ADAM19: variants seen among roughly 807,000 people sequenced by gnomAD.
ADAM19 encodes disintegrin and metalloproteinase domain-containing protein 19.
In ADAM19, 65 loss-of-function variants were observed where a neutral mutation model predicts 114.7. The observed-to-expected ratio is 0.57, with a 90% CI of 0.46 to 0.70. The LOEUF is 0.70. Among genes scored for constraint, ADAM19 ranks in the 30% least tolerant of loss-of-function variants. The pLI, the probability that ADAM19 is intolerant of heterozygous loss-of-function variation, is 0.00. For synonymous variants in ADAM19, 466 were observed against 460.5 expected (o/e 1.01, Z -0.15); for missense variants, 1,063 against 1,204.7 (o/e 0.88, Z 1.74).
chr5:157,500,141 A>G (rs757136028), intron 12 of ADAM19, among the ~76,000 whole-genome samples: 10 of 152,140 alleles, frequency 6.6e-5, no homozygotes, highest in Non-Finnish European at 1.5e-4. Flanking sequence ...TGTACTTGTC[A>G]CAAGAACCAT....
intron 3 of ADAM19, among the ~76,000 whole-genome samples, chr5:157,556,514 CG>C (rs1757373157): frequency 6.6e-6 from 1 of 152,114 alleles, no homozygotes; most frequent in Admixed American, 6.5e-5. Flanking sequence ...CCACCATGCC[CG>C]GCCTCAAGAT....
rs560628744 is a variant in ADAM19, at chr5:157,503,087, G to T, written c.1131-107C>A. The T allele has an allele frequency of 6.7e-5, 64 of 950,152 alleles. No homozygotes were observed. The African/African-American group carries it at 9.1e-4, about 13-fold the overall frequency. The allele number at this position is 950,152 out of a possible 1,614,324, so 58.9% of individuals were successfully genotyped here. ...CTACCCGTGGGGCTGACTCCACCTG[G>T]GTTCAGACCCCCATTGTCTCACACA... On this transcript the variant is annotated intron_variant, in intron 11 of 22. Coordinates refer to ENST00000257527, the MANE Select transcript of ADAM19 (RefSeq NM_033274.5).
At chr5:157,530,931 T>C (rs1581333057) in intron 4 of ADAM19, 48 bp from the exon 5 acceptor site, 1 of 1,501,566 alleles carries the variant, frequency 6.7e-7, no homozygotes, top group African/African-American at 1.4e-5. Flanking sequence ...CTGATAAGCA[T>C]GGCAATGTTA....
chr5:157,525,146 T>C (rs1348837866), intron 5 of ADAM19, among the ~76,000 whole-genome samples: 1 of 152,216 alleles, frequency 6.6e-6, no homozygotes, highest in Non-Finnish European at 1.5e-5. Flanking sequence ...AACCAGGAAG[T>C]GTCTGGCTCC....
In ADAM19 at chr5:157,478,795, C is replaced by A. The variant is rs1754667580; in HGVS notation, c.*2154G>T. ...AACAAAACAAAAAGCAAGAAAACGA[C>A]AACCCAGGTCTCTTTCTGGTGTGGT... On this transcript the variant is annotated 3_prime_UTR_variant, in exon 23 of 23. Coordinates refer to ENST00000257527, the MANE Select transcript of ADAM19 (RefSeq NM_033274.5). 1 of 985,756 alleles carries A rather than the reference C, an allele frequency of 1.0e-6. No individual in the cohort carries two copies. 61.1% of individuals were successfully genotyped at this position (985,756 alleles called of 1,614,324 possible).
intron 3 of ADAM19, among the ~76,000 whole-genome samples, chr5:157,559,177 G>A (rs995548176): frequency 9.2e-5 from 14 of 152,166 alleles, no homozygotes; most frequent in African/African-American, 2.9e-4. Flanking sequence ...GAAAACAAAC[G>A]CCCGTTCTTA....
rs111680236 is a variant in ADAM19 at position 157,565,710 on chromosome 5, C to CA, written c.181-1268dup. 5.3e-3 allele frequency among the ~76,000 whole-genome samples: 551 copies of CA among 103,662 alleles called. 3 individuals carry two copies. Among genetic ancestry groups the CA allele is most frequent in the African/African-American group, 0.015 (409 of 26,836 alleles). The allele number at this position is 103,662 out of a possible 152,430, so 68.0% of individuals were successfully genotyped here. A position where few individuals can be genotyped will look rare whatever the true frequency, so the allele number is the denominator to read the frequency against. Reference sequence around the variant, plus strand: ...GGTGACAGAGCGAGACACTCTCTCTCAAAAAAAAAAAAAAATGTTTAGACT... The same window carrying CA: ...GGTGACAGAGCGAGACACTCTCTCTCAAAAAAAAAAAAAAAATGTTTAGACT... On this transcript the variant is annotated intron_variant, in intron 2 of 22. Transcript: ENST00000257527.
intron 1 of ADAM19, among the ~76,000 whole-genome samples, chr5:157,574,985 A>G (rs1045496373): frequency 1.3e-5 from 2 of 152,132 alleles, no homozygotes; most frequent in African/African-American, 4.8e-5. Context: ...CGGTTTCCCC[A>G]TCTGTGAAAT....
At position 157,519,964 on chromosome 5, in the gene ADAM19, G is replaced by A; in HGVS notation, c.475C>T (p.His159Tyr). Residue 159 changes from histidine (H) to tyrosine (Y), a missense_variant, in exon 6 of 23, where the codon CAC becomes TAC. By Grantham distance (83) the His-to-Tyr change is moderately conservative. This residue lies in a region of ADAM19 where 615 missense variants were observed against 706.3 expected (regional missense o/e 0.87). Coordinates refer to ENST00000257527, the MANE Select transcript of ADAM19 (RefSeq NM_033274.5). ...IEPLPDSKGQ[H>Y]LIYRSEHLKP... ...AGATGTTCAGATCTGTAAATAAGGT[G>A]TTGGCCCTTGCTGTCAGGGAGGGGC... 6.2e-7 allele frequency: 1 copy of A among 1,614,158 alleles called. No individual in the cohort carries two copies. Among genetic ancestry groups the A allele is most frequent in the Non-Finnish European group, 8.5e-7 (1 of 1,180,016 alleles).
intron 3 of ADAM19, among the ~76,000 whole-genome samples, chr5:157,557,852 C>T (rs543434467): frequency 6.6e-6 from 1 of 152,168 alleles, no homozygotes; most frequent in Non-Finnish European, 1.5e-5. Context: ...CTCCTAATAC[C>T]ATCACCTTGG....
At chr5:157,532,777 C>T (rs969335822) in intron 4 of ADAM19, among the ~76,000 whole-genome samples, 4 of 152,314 alleles carry the variant, frequency 2.6e-5, no homozygotes, top group South Asian at 2.1e-4. Flanking sequence ...TCTGGCTCCA[C>T]CTCCCTCCCA....
intron 16 of ADAM19, among the ~76,000 whole-genome samples, chr5:157,492,672 T>C (rs1755215814): frequency 6.6e-6 from 1 of 152,220 alleles, no homozygotes; most frequent in Non-Finnish European, 1.5e-5. Context: ...TCTGTGCTAT[T>C]ATTTTGCTCA....
chr5:157,504,066 T>C (rs1172031300), intron 11 of ADAM19, among the ~76,000 whole-genome samples: 4 of 152,258 alleles, frequency 2.6e-5, no homozygotes, highest in Non-Finnish European at 5.9e-5. Flanking sequence ...TTACTAATAA[T>C]TGTTAAACTA....
chr5:157,490,351 G>C lies in ADAM19; in HGVS notation c.2199C>G (p.Leu733=), dbSNP rs774437832. 6.2e-7 allele frequency: 1 copy of C among 1,614,116 alleles called. No homozygotes were observed. Among genetic ancestry groups the C allele is most frequent in the Non-Finnish European group, 8.5e-7 (1 of 1,180,014 alleles). The part of the protein sequence containing the change: ...CCRQNNKLGQ[L]KPSALPSKLR... ...GCTTGGAAGGGAGAGCTGAGGGCTTGAGTTGGCCTAGTTTGTTGTTCTGTC... is the reference window on the plus strand; with the variant it reads ...GCTTGGAAGGGAGAGCTGAGGGCTTCAGTTGGCCTAGTTTGTTGTTCTGTC... The change falls in exon 19 of 23, where the codon CTC becomes CTG. Residue 733 remains leucine, a synonymous_variant. Transcript: ENST00000257527.
At chr5:157,518,795 T>A (rs1459828909) in intron 7 of ADAM19, 28 bp downstream of exon 7, 1 of 1,586,838 alleles carries the variant, frequency 6.3e-7, no homozygotes, top group East Asian at 2.2e-5. Flanking sequence ...GAGCAGTTTT[T>A]CTGCAAGACC....
chr5:157,550,407 A>G lies in ADAM19; in HGVS notation c.252-12416T>C, dbSNP rs116363358. ...CTGGATTAGAGACCTGCCATACTCC[A>G]GTATGATCTCATCTTAACTAAATAC... is the stretch of plus-strand genomic sequence containing the variant. On this transcript the variant is annotated intron_variant, in intron 3 of 22. Transcript: ENST00000257527. Among the ~76,000 whole-genome samples the G allele has an allele frequency of 3.9e-3, 587 of 152,312 alleles. 7 individuals are homozygous for G. Among genetic ancestry groups the G allele is most frequent in the African/African-American group, 0.013 (546 of 41,574 alleles).
chr5:157,482,093 A>G lies in ADAM19; in HGVS notation c.2551-150T>C. On this transcript the variant is annotated intron_variant, in intron 21 of 22. Coordinates refer to ENST00000257527, the MANE Select transcript of ADAM19 (RefSeq NM_033274.5). ...GAAACTGTATGTATAATGTGTTTAT[A>G]TTCTCAAGAGGAAGTCAGGAGAGCA... 4.5e-6 allele frequency: 3 copies of G among 661,410 alleles called. No homozygotes were observed. In the South Asian group the frequency reaches 7.3e-5, roughly 16 times the overall value. 41.0% of individuals were successfully genotyped at this position (661,410 alleles called of 1,614,324 possible).
chr5:157,503,258 C>T (rs901571965), intron 11 of ADAM19, among the ~76,000 whole-genome samples: 1 of 152,146 alleles, frequency 6.6e-6, no homozygotes, highest in East Asian at 1.9e-4. Context: ...AACCAAACAC[C>T]GGATGTTCTC....
chr5:157,480,868 T>A lies in ADAM19; in HGVS notation c.*81A>T. The stretch of plus-strand genomic sequence containing the variant: ...GGAGGAGCTCAGAGGCGGCCAGACA[T>A]GCTTCTTCAGGGTTCCATGGCCATG... On this transcript the variant is annotated 3_prime_UTR_variant, in exon 23 of 23. Transcript: ENST00000257527. 1 of 1,603,928 alleles carries A rather than the reference T, an allele frequency of 6.2e-7. No individual in the cohort carries two copies. The highest frequency in any genetic ancestry group is 1.7e-5 in the Admixed American group (1 of 58,264).
Sources: gnomAD v4.1 joint callset for allele counts (sites outside exome capture counted in the v4.1 genomes callset) on GRCh38, gnomAD v4.1.1 for gene constraint, gnomAD v4.1.1 regional missense constraint, MANE v1.5 for transcripts, NCBI Gene and HGNC (gene_info 2026-07-23, HGNC 2026-07-21) for gene names.